Variants in ATXN2 observed in about 807,000 individuals in gnomAD.
The protein encoded by ATXN2 is ataxin 2, also known as ataxin-2.
In ATXN2, 37 loss-of-function variants were observed where a neutral mutation model predicts 138.6. The observed-to-expected ratio is 0.27, with a 90% CI of 0.21 to 0.35. ATXN2 has a LOEUF of 0.35. Among genes scored for constraint, ATXN2 ranks in the 10% least tolerant of loss-of-function variants. The pLI, the probability that ATXN2 is intolerant of heterozygous loss-of-function variation, is 1.00. For missense variants in ATXN2, 1,216 were observed against 1,480.3 expected (o/e 0.82, Z 2.93); for synonymous variants, 549 against 543.7 (o/e 1.01, Z -0.13).
rs1325111625 is a variant in ATXN2, at chr12:111,486,629, T to A, written c.2304+132A>T. On this transcript the variant is annotated intron_variant, in intron 16 of 24. Coordinates refer to ENST00000673436, the MANE Select transcript of ATXN2 (RefSeq NM_001372574.1). ...TTTAAAAAGTATTCATTAATGGCCATGTAAAAAAAAGAAAGAAGGTTGGTT... is the reference window on the plus strand; with the variant it reads ...TTTAAAAAGTATTCATTAATGGCCAAGTAAAAAAAAGAAAGAAGGTTGGTT... The A allele has an allele frequency of 4.4e-6, 3 of 674,632 alleles. No individual in the cohort carries two copies. The African/African-American group carries it at 5.5e-5, about 12-fold the overall frequency. The allele number at this position is 674,632 out of a possible 1,614,324, so 41.8% of individuals were successfully genotyped here.
intron 5 of ATXN2, among the ~76,000 whole-genome samples, chr12:111,534,510 G>A (rs1230847452): frequency 6.6e-6 from 1 of 152,076 alleles, no homozygotes; most frequent in Non-Finnish European, 1.5e-5. Flanking sequence ...CCATGGTTGG[G>A]GGGGACGCAT....
At chr12:111,572,401 C>CA (rs11449224) in intron 1 of ATXN2, among the ~76,000 whole-genome samples, 30,123 of 136,420 alleles carry the variant, frequency 0.22, 3,095 homozygotes, top group East Asian at 0.35. Context: ...AACTCCATCT[C>CA]AAAAAAAAAA....
At chr12:111,512,495 C>T (rs1399882010) in intron 11 of ATXN2, 1 of 140,968 alleles carries the variant, frequency 7.1e-6, no homozygotes, top group African/African-American at 2.8e-5. Flanking sequence ...TGCTCTGTTG[C>T]CCATGCTGGA....
At chr12:111,483,545 C>CG (rs1399929400) in intron 18 of ATXN2, among the ~76,000 whole-genome samples, 1 of 145,022 alleles carries the variant, frequency 6.9e-6, no homozygotes, top group African/African-American at 2.6e-5. Context: ...TTAGTAGAGA[C>CG]GGGTTTTCAC....
At chr12:111,538,025 G>GT (rs1881288768) in intron 5 of ATXN2, among the ~76,000 whole-genome samples, 1 of 151,922 alleles carries the variant, frequency 6.6e-6, no homozygotes, top group Non-Finnish European at 1.5e-5. Flanking sequence ...GAACCCATGA[G>GT]TTTGAGGTTA....
At chr12:111,596,373 T>TCACACA (rs35861967) in intron 1 of ATXN2, among the ~76,000 whole-genome samples, 16 of 151,186 alleles carry the variant, frequency 1.1e-4, no homozygotes, top group African/African-American at 3.9e-4. Context: ...GAAAAACTAT[T>TCACACA]CACACACACA....
At chr12:111,599,629 A>C (rs895963393), upstream of ATXN2, 115 of 1,074,124 alleles carry the variant, frequency 1.1e-4, no homozygotes, top group Non-Finnish European at 1.2e-4. Context: ...CGGGGCCGGG[A>C]GGGACACGTG....
intron 5 of ATXN2, among the ~76,000 whole-genome samples, chr12:111,547,093 A>G (rs752816895): frequency 6.6e-6 from 1 of 152,254 alleles, no homozygotes; most frequent in Non-Finnish European, 1.5e-5. Context: ...TGATGTTAGC[A>G]TCAAGAACTT....
At chr12:111,507,482 G>C (rs958528164) in intron 14 of ATXN2, among the ~76,000 whole-genome samples, 2 of 152,034 alleles carry the variant, frequency 1.3e-5, no homozygotes, top group African/African-American at 4.8e-5. Context: ...CAACCCGTCC[G>C]GGAGGGAGGT....
At chr12:111,536,538 T>G (rs956192941) in intron 5 of ATXN2, among the ~76,000 whole-genome samples, 1 of 152,084 alleles carries the variant, frequency 6.6e-6, no homozygotes, top group Non-Finnish European at 1.5e-5. Context: ...GAAACAGCTA[T>G]GTAGGATTGT....
chr12:111,518,361 C>T lies in ATXN2; in HGVS notation c.1053G>A (p.Gln351=). 2 of 1,613,570 alleles carry T rather than the reference C, an allele frequency of 1.2e-6. No individual in the cohort carries two copies. The highest frequency in any genetic ancestry group is 1.7e-6 in the Non-Finnish European group (2 of 1,179,592). ...REVISWGSGR[Q]NSPRMGQPGS... ...CAGGCTGGCCCATACGCGGTGAATT[C>T]TGTCTCCCACTTCCCCAGGATATGA... The change falls in exon 9 of 25, where the codon CAG becomes CAA. Residue 351 remains glutamine (Q), a synonymous_variant. Transcript: ENST00000673436.
chr12:111,515,262 A>G (rs2135735783), intron 10 of ATXN2, among the ~76,000 whole-genome samples: 1 of 152,362 alleles, frequency 6.6e-6, no homozygotes, highest in African/African-American at 2.4e-5. Flanking sequence ...TCCCAACATA[A>G]GCAATATTAA....
chr12:111,581,520 T>C, intron 1 of ATXN2: 1 of 1,026,364 alleles, frequency 9.7e-7, no homozygotes, highest in South Asian at 1.3e-5. Context: ...GTGATCCCCA[T>C]CCACAGCGAG....
chr12:111,495,838 G>C (rs1878388844), intron 14 of ATXN2, among the ~76,000 whole-genome samples: 1 of 152,064 alleles, frequency 6.6e-6, no homozygotes, highest in African/African-American at 2.4e-5. Flanking sequence ...CCTATGTTAA[G>C]CCACAAAACA....
chr12:111,576,787 A>G (rs983542942), intron 1 of ATXN2, among the ~76,000 whole-genome samples: 4 of 150,914 alleles, frequency 2.7e-5, no homozygotes, highest in Non-Finnish European at 5.9e-5. Context: ...GCGAAACCCC[A>G]TCTCTACTAA....
chr12:111,553,572 C>CAAAAA (rs757837884), intron 3 of ATXN2, among the ~76,000 whole-genome samples: 6 of 48,918 alleles, frequency 1.2e-4, no homozygotes, highest in Admixed American at 7.4e-4. Context: ...TCTTTTTTCT[C>CAAAAA]AAAAAAAAAA....
chr12:111,507,127 C>T (rs1412651087), intron 14 of ATXN2, among the ~76,000 whole-genome samples: 34 of 151,340 alleles, frequency 2.2e-4, no homozygotes, highest in Non-Finnish European at 4.0e-4. Flanking sequence ...GGCCACCCAT[C>T]GTCTGGGATG....
chr12:111,572,678 T>C (rs954191128), intron 1 of ATXN2, among the ~76,000 whole-genome samples: 1 of 152,188 alleles, frequency 6.6e-6, no homozygotes, highest in African/African-American at 2.4e-5. Flanking sequence ...AGCCAAGAAT[T>C]TGCCTAAAGT....
Position 111,453,556 on chromosome 12 carries a change from C to T in ATXN2, c.3439+121G>A, listed in dbSNP as rs1390432666. 2 of 1,440,842 alleles carry T rather than the reference C, an allele frequency of 1.4e-6. No homozygotes were observed. Among genetic ancestry groups the T allele is most frequent in the Admixed American group, 2.8e-5 (1 of 35,774 alleles). 89.3% of individuals were successfully genotyped at this position (1,440,842 alleles called of 1,614,324 possible). A position where few individuals can be genotyped will look rare whatever the true frequency, so the allele number is the denominator to read the frequency against. On this transcript the variant is annotated intron_variant, in intron 24 of 24. Transcript: ENST00000673436. The surrounding 1 kb of genome is among the most constrained non-coding windows in gnomAD (Gnocchi z 5.4). ...GTCACAGTCCCTCCTGTGCACACTCCTGGACGGGTCTTGCTAGTTCTCAAA... is the reference window on the plus strand; with the variant it reads ...GTCACAGTCCCTCCTGTGCACACTCTTGGACGGGTCTTGCTAGTTCTCAAA...
Sources: allele counts gnomAD v4.1 joint callset (sites outside exome capture counted in the v4.1 genomes callset), GRCh38; gene constraint gnomAD v4.1.1; non-coding constraint Gnocchi (gnomAD v3.1); transcripts MANE v1.5; gene names NCBI Gene and HGNC (gene_info 2026-07-23, HGNC 2026-07-21).